Variants in PRKG1 observed in about 807,000 individuals in gnomAD.
PRKG1 encodes cGMP-dependent protein kinase 1.
PRKG1 carries 35 observed loss-of-function variants against 88.1 expected under a neutral mutation model. That is an observed-to-expected ratio of 0.40 (90% CI 0.30 to 0.53). The LOEUF is 0.53. PRKG1 is among the 20% of genes least tolerant of loss of function. The pLI is 0.59. For synonymous variants in PRKG1, 303 were observed against 292.5 expected (o/e 1.04, Z -0.37); for missense variants, 540 against 839.8 (o/e 0.64, Z 4.41).
chr10:51,928,569 G>T (rs1398554835), intron 5 of PRKG1, among the ~76,000 whole-genome samples: 2 of 152,208 alleles, frequency 1.3e-5, no homozygotes, highest in African/African-American at 4.8e-5. Context: ...GGAATCACCA[G>T]CTAAAAGAAT....
At position 51,875,282 on chromosome 10, in the gene PRKG1, G is replaced by A. The variant is rs189530218; in HGVS notation, c.699-32225G>A. Among the ~76,000 whole-genome samples, 5 of 149,432 alleles carry A rather than the reference G, an allele frequency of 3.3e-5. No homozygotes were observed. In the South Asian group the frequency reaches 6.3e-4, roughly 19 times the overall value. ...TTAGACCATACAGCTGGTAACTGGT[G>A]AATGTGAGAAATGCTTTAAGCTTTA... is the stretch of plus-strand genomic sequence containing the variant. On this transcript the variant is annotated intron_variant, in intron 4 of 17. Coordinates refer to ENST00000373980, the MANE Select transcript of PRKG1 (RefSeq NM_006258.4).
intron 2 of PRKG1, among the ~76,000 whole-genome samples, chr10:51,252,603 A>ACT (rs76093606): frequency 0.17 from 26,128 of 151,588 alleles, 4,149 homozygotes; most frequent in African/African-American, 0.42. Flanking sequence ...CATTCTCTCA[A>ACT]CTCTACATAA....
intron 5 of PRKG1, among the ~76,000 whole-genome samples, chr10:51,972,977 TG>T (rs1843745260): frequency 6.6e-6 from 1 of 152,124 alleles, no homozygotes; most frequent in Admixed American, 6.6e-5. Context: ...CTGGTCAGAC[TG>T]AAGTAAATGG....
intron 3 of PRKG1, among the ~76,000 whole-genome samples, chr10:51,501,793 T>TC (rs1305766869): frequency 9.8e-5 from 14 of 143,122 alleles, no homozygotes; most frequent in East Asian, 2.0e-4. Flanking sequence ...TTAGTTTCTT[T>TC]TTTTTTTTTT....
intron 9 of PRKG1, 74 bp from the exon 10 acceptor site, chr10:52,251,496 T>C: frequency 1.8e-6 from 2 of 1,132,200 alleles, no homozygotes; most frequent in Non-Finnish European, 1.3e-6. Context: ...GTCATGTCAT[T>C]CTGGTACAGA....
intron 7 of PRKG1, among the ~76,000 whole-genome samples, chr10:52,120,991 G>T (rs971958376): frequency 1.3e-5 from 2 of 152,140 alleles, no homozygotes; most frequent in Admixed American, 6.6e-5. Flanking sequence ...CAAACTATGT[G>T]CACTTTCAGA....
chr10:52,041,104 G>A (rs993936236), intron 5 of PRKG1, among the ~76,000 whole-genome samples: 2 of 152,032 alleles, frequency 1.3e-5, no homozygotes, highest in African/African-American at 4.8e-5. Context: ...CTCCCAAAAT[G>A]CTAAGATTAC....
chr10:52,231,908 A>G (rs1840532553), intron 9 of PRKG1, among the ~76,000 whole-genome samples: 1 of 152,224 alleles, frequency 6.6e-6, no homozygotes, highest in South Asian at 2.1e-4. Context: ...TTCTAGCTTC[A>G]TGCATAGGAT....
At chr10:51,040,242 G>GTGTGTGTA (rs1554831495) in intron 1 of PRKG1, among the ~76,000 whole-genome samples, 78 of 146,038 alleles carry the variant, frequency 5.3e-4, no homozygotes, top group Non-Finnish European at 9.2e-4. Context: ...TTGTGTGTGT[G>GTGTGTGTA]TGTGTGTGTG....
intron 3 of PRKG1, among the ~76,000 whole-genome samples, chr10:51,531,631 A>G (rs1412606668): frequency 6.8e-6 from 1 of 147,554 alleles, no homozygotes; most frequent in South Asian, 2.1e-4. Flanking sequence ...GACTACAAAA[A>G]GAATTCTTTT....
intron 2 of PRKG1, among the ~76,000 whole-genome samples, chr10:51,323,347 C>A (rs1398059344): frequency 2.0e-5 from 3 of 152,088 alleles, no homozygotes; most frequent in Admixed American, 1.3e-4. Flanking sequence ...TCAAATAGCA[C>A]TAGACTTATT....
chr10:52,198,636 T>G (rs922599841), intron 9 of PRKG1, among the ~76,000 whole-genome samples: 1 of 152,098 alleles, frequency 6.6e-6, no homozygotes, highest in African/African-American at 2.4e-5. Context: ...GAGCCCAGAA[T>G]TCCTACATTC....
chr10:51,745,149 A>G (rs538111661), intron 3 of PRKG1, among the ~76,000 whole-genome samples: 4 of 152,318 alleles, frequency 2.6e-5, no homozygotes, highest in Admixed American at 6.5e-5. Flanking sequence ...TTGTCTCACC[A>G]TCTTTATCCT....
chr10:52,127,722 T>G (rs964505909), intron 7 of PRKG1, among the ~76,000 whole-genome samples: 1 of 152,110 alleles, frequency 6.6e-6, no homozygotes, highest in African/African-American at 2.4e-5. Context: ...TCACTAACAT[T>G]TATTGGTTGA....
chr10:52,098,092 A>G (rs906216209), intron 7 of PRKG1, among the ~76,000 whole-genome samples: 17 of 152,306 alleles, frequency 1.1e-4, no homozygotes, highest in African/African-American at 3.6e-4. Context: ...TGCAAAGTTA[A>G]AAGGAAGAAA....
chr10:52,288,508 G>A (rs190919693), intron 14 of PRKG1, among the ~76,000 whole-genome samples: 65 of 152,246 alleles, frequency 4.3e-4, no homozygotes, highest in African/African-American at 1.5e-3. Flanking sequence ...GAAAGCAAGA[G>A]AAGAGCAGAT....
At chr10:52,253,054 C>T (rs1292682669) in intron 10 of PRKG1, among the ~76,000 whole-genome samples, 1 of 151,938 alleles carries the variant, frequency 6.6e-6, no homozygotes, top group Admixed American at 6.6e-5. Context: ...GGACAGAGCT[C>T]CCTGCCATAC....
At chr10:51,627,352 T>G (rs1446616907) in intron 3 of PRKG1, among the ~76,000 whole-genome samples, 2 of 152,150 alleles carry the variant, frequency 1.3e-5, no homozygotes, top group African/African-American at 2.4e-5. Flanking sequence ...ATCAATAAAG[T>G]GGAGACAGTG....
intron 4 of PRKG1, among the ~76,000 whole-genome samples, chr10:51,886,187 G>A (rs558694436): frequency 5.3e-4 from 80 of 152,264 alleles, no homozygotes; most frequent in Middle Eastern, 6.8e-3. Flanking sequence ...ACCATGCCTG[G>A]CTCCCGAGTA....
Sources: allele counts gnomAD v4.1 joint callset (sites outside exome capture counted in the v4.1 genomes callset), GRCh38; gene constraint gnomAD v4.1.1; transcripts MANE v1.5; gene names NCBI Gene and HGNC (gene_info 2026-07-23, HGNC 2026-07-21).